Variants in ARCN1 observed in about 807,000 individuals in gnomAD.
The protein encoded by ARCN1 is archain 1 coat protein complex I subunit delta, also known as coatomer subunit delta.
In ARCN1, 5 loss-of-function variants were observed where a neutral mutation model predicts 60.4. The observed-to-expected ratio is 0.08, with a 90% CI of 0.04 to 0.17. The LOEUF (loss-of-function observed/expected upper bound fraction) is 0.17. Ranked by LOEUF, ARCN1 falls within the 10% of genes least tolerant of loss-of-function variation. The pLI is 1.00. For missense variants in ARCN1, 464 were observed against 626.5 expected, an observed-to-expected ratio of 0.74 and a Z score of 2.77; for synonymous variants, 224 against 220.0, an observed-to-expected ratio of 1.02 and a Z score of -0.16.
intron 1 of ARCN1, among the ~76,000 whole-genome samples, chr11:118,575,291 T>C (rs1159145965): frequency 6.6e-6 from 1 of 152,200 alleles, no homozygotes; most frequent in Non-Finnish European, 1.5e-5. Context: ...GTATTATTTA[T>C]GTATCTTTTT....
chr11:118,582,123 AACACAGCAAGACCCTG>A, intron 2 of ARCN1, among the ~76,000 whole-genome samples: 1 of 152,050 alleles, frequency 6.6e-6, no homozygotes, highest in South Asian at 2.1e-4. Flanking sequence ...TAGTGTGGGC[AACACAGCAAGACCCTG>A]ATTCTTTTTT....
chr11:118,578,696 G>A (rs1273186604), intron 1 of ARCN1, among the ~76,000 whole-genome samples: 1 of 151,888 alleles, frequency 6.6e-6, no homozygotes, highest in South Asian at 2.1e-4. Context: ...TAAAATTTTG[G>A]GGGGAGAGTC....
At chr11:118,590,097 G>C (rs576568798) in intron 5 of ARCN1, among the ~76,000 whole-genome samples, 1 of 152,160 alleles carries the variant, frequency 6.6e-6, no homozygotes, top group Non-Finnish European at 1.5e-5. Context: ...CGTGGTTCAA[G>C]CGATTCTCCT....
At position 118,581,937 on chromosome 11, in the gene ARCN1, G is replaced by GACACAC. The variant is rs34532442; in HGVS notation, c.267+453_267+458dup. Among the ~76,000 whole-genome samples, 144 of 140,810 alleles carry GACACAC rather than the reference G, an allele frequency of 1.0e-3. 3 individuals are homozygous for GACACAC. Among genetic ancestry groups the GACACAC allele is most frequent in the East Asian group, 7.0e-3 (27 of 3,832 alleles). The allele number at this position is 140,810 out of a possible 152,430, so 92.4% of individuals were successfully genotyped here. ...TGATCCAGAGACAGACAGACAGACA[G>GACACAC]ACACACACACACACACACACACACA... On this transcript the variant is annotated intron_variant, in intron 2 of 9. Transcript: ENST00000264028.
At chr11:118,577,600 C>T (rs1446588522) in intron 1 of ARCN1, among the ~76,000 whole-genome samples, 2 of 152,162 alleles carry the variant, frequency 1.3e-5, no homozygotes, top group Non-Finnish European at 2.9e-5. Flanking sequence ...GAAGTAATCT[C>T]TTCCTCTGAA....
rs372547755 is a variant in ARCN1, at chr11:118,589,377, GTTTGT to G, written c.819-960_819-956del. 6.9e-3 allele frequency among the ~76,000 whole-genome samples: 1,044 copies of G among 152,202 alleles called. 11 individuals carry two copies. Among genetic ancestry groups the G allele is most frequent in the African/African-American group, 0.022 (934 of 41,540 alleles). ...TTACAAATAGAAAGTTTTTTCAGTT[GTTTGT>G]TTTCTCACCATTGCCTACTATTCAT... On this transcript the variant is annotated intron_variant, in intron 5 of 9. Coordinates refer to ENST00000264028, the MANE Select transcript of ARCN1 (RefSeq NM_001655.5).
chr11:118,597,039 T>C (rs1319489174), intron 8 of ARCN1, among the ~76,000 whole-genome samples: 1 of 152,136 alleles, frequency 6.6e-6, no homozygotes, highest in Admixed American at 6.5e-5. Flanking sequence ...AAACCCCGCC[T>C]CTACTAAAAA....
At chr11:118,572,897 G>C (rs947363200) in intron 1 of ARCN1, 3 of 315,756 alleles carry the variant, frequency 9.5e-6, no homozygotes, top group African/African-American at 4.3e-5. Context: ...AACTGATGCT[G>C]TCCCGCCGGT....
In ARCN1 at chr11:118,572,432, A is replaced by C. The variant is rs1165208626; in HGVS notation, c.-116A>C. 2.1e-5 allele frequency: 20 copies of C among 932,322 alleles called. No individual in the cohort carries two copies. The South Asian group carries it at 2.3e-4, about 11-fold the overall frequency. 57.8% of individuals were successfully genotyped at this position (932,322 alleles called of 1,614,324 possible). ...CCATCTTGGCAAGAGGCGAAGCGGC[A>C]GCGGTTCCTGTCAAGGGGGCAGCAG... is the stretch of plus-strand genomic sequence containing the variant. On this transcript the variant is annotated 5_prime_UTR_variant, in exon 1 of 10. Transcript: ENST00000264028.
intron 1 of ARCN1, among the ~76,000 whole-genome samples, chr11:118,578,870 CTCTCTTTTTTTT>C (rs781943014): frequency 2.3e-5 from 2 of 86,962 alleles, no homozygotes; most frequent in Non-Finnish European, 4.2e-5. Context: ...AAAACCCCGT[CTCTCTTTTTTTT>C]TTTTTTTTTT....
chr11:118,593,733 T>TA, intron 8 of ARCN1, 35 bp downstream of exon 8: 1 of 1,435,336 alleles, frequency 7.0e-7, no homozygotes, highest in Non-Finnish European at 9.8e-7. Flanking sequence ...ACGGTGGACT[T>TA]AGAGAACTGG....
intron 1 of ARCN1, among the ~76,000 whole-genome samples, chr11:118,579,521 C>CAA (rs61567269): frequency 2.5e-5 from 3 of 118,348 alleles, no homozygotes; most frequent in East Asian, 4.3e-4. Context: ...ACTAGAAATA[C>CAA]AAAAAAAAAA....
intron 5 of ARCN1, among the ~76,000 whole-genome samples, chr11:118,584,899 C>T (rs1051685154): frequency 2.7e-5 from 4 of 150,608 alleles, no homozygotes; most frequent in Admixed American, 6.6e-5. Context: ...GATCTCGGCT[C>T]GCTGCAAGCT....
Position 118,592,849 on chromosome 11 carries a change from A to G in ARCN1, c.1125A>G (p.Pro375=). Residue 375 remains proline (P), a synonymous_variant, in exon 7 of 10, where the codon CCA becomes CCG. Coordinates refer to ENST00000264028, the MANE Select transcript of ARCN1 (RefSeq NM_001655.5). ...AAACCACAGAGGAATCTTTTATTCCACTGACAAGTAAGTGCCTCTGGCCAG... is the reference window on the plus strand; with the variant it reads ...AAACCACAGAGGAATCTTTTATTCCGCTGACAAGTAAGTGCCTCTGGCCAG... ...RLQTTEESFI[P]LTINCWPSES... 1 of 1,613,870 alleles carries G rather than the reference A, an allele frequency of 6.2e-7. No homozygotes were observed.
intron 8 of ARCN1, among the ~76,000 whole-genome samples, chr11:118,596,767 A>G (rs1398280144): frequency 1.3e-5 from 2 of 152,176 alleles, no homozygotes; most frequent in East Asian, 3.8e-4. Flanking sequence ...AAGGACAACT[A>G]CGGATCTGTT....
chr11:118,588,354 G>A (rs633308), intron 5 of ARCN1, among the ~76,000 whole-genome samples: 102,728 of 152,022 alleles, frequency 0.68, 36,224 homozygotes, highest in African/African-American at 0.9. Context: ...TCAAAGAGAG[G>A]TTCTTTTTTC....
At chr11:118,574,849 C>T (rs1240249893) in intron 1 of ARCN1, among the ~76,000 whole-genome samples, 3 of 152,090 alleles carry the variant, frequency 2.0e-5, no homozygotes, top group Admixed American at 6.6e-5. Flanking sequence ...GCACTGCGGC[C>T]TAGAACTCCT....
At chr11:118,591,062 A>G (rs1343520412) in intron 6 of ARCN1, among the ~76,000 whole-genome samples, 5 of 152,248 alleles carry the variant, frequency 3.3e-5, no homozygotes, top group Admixed American at 6.5e-5. Flanking sequence ...CTGCTATTAA[A>G]TAAACTGCCA....
intron 1 of ARCN1, among the ~76,000 whole-genome samples, chr11:118,579,409 T>C (rs1198902518): frequency 1.3e-5 from 2 of 151,778 alleles, no homozygotes; most frequent in Non-Finnish European, 1.5e-5. Flanking sequence ...CGGTGGCTCA[T>C]GCCTGTAATC....
Sources: allele counts gnomAD v4.1 joint callset (sites outside exome capture counted in the v4.1 genomes callset), GRCh38; gene constraint gnomAD v4.1.1; transcripts MANE v1.5; gene names NCBI Gene and HGNC (gene_info 2026-07-23, HGNC 2026-07-21).